The following RBP4 variants were observed in gnomAD, a reference collection of about 807,000 sequenced individuals.
RBP4 encodes retinol binding protein 4, also known as retinol-binding protein 4.
In RBP4, 9 loss-of-function variants were observed where a neutral mutation model predicts 26.2. That is an observed-to-expected ratio of 0.34 (90% confidence interval 0.21 to 0.60). The LOEUF is 0.60. Among genes scored for constraint, RBP4 ranks in the 20% least tolerant of loss-of-function variants. RBP4 has a pLI of 0.80. For synonymous variants in RBP4, 114 were observed against 111.0 expected (o/e 1.03, Z -0.17); for missense variants, 244 against 271.3 (o/e 0.90, Z 0.71).
At position 93,593,807 on chromosome 10, in the gene RBP4, C is replaced by T. The variant is rs1430539417; in HGVS notation, c.568+16G>A. 1 of 1,610,366 alleles carries T rather than the reference C, an allele frequency of 6.2e-7. No homozygotes were observed. Among genetic ancestry groups the T allele is most frequent in the Non-Finnish European group, 8.5e-7 (1 of 1,179,366 alleles). ...CCCTGCAGGAAGAGCCAGAAGGCACCCTGCTCCTGACTCACCGTTGTGGAC... is the reference window on the plus strand; with the variant it reads ...CCCTGCAGGAAGAGCCAGAAGGCACTCTGCTCCTGACTCACCGTTGTGGAC... On this transcript the variant is annotated intron_variant, in intron 5 of 5. Transcript: ENST00000371464.
chr10:93,596,924 C>T (rs12768100), intron 4 of RBP4, among the ~76,000 whole-genome samples: 45,401 of 152,108 alleles, frequency 0.3, 7,550 homozygotes, highest in African/African-American at 0.44. Flanking sequence ...GCAACAGATT[C>T]AATGCTATTT....
intron 4 of RBP4, among the ~76,000 whole-genome samples, chr10:93,594,370 G>A (rs753076602): frequency 7.9e-5 from 12 of 151,866 alleles, no homozygotes; most frequent in East Asian, 1.9e-4. Flanking sequence ...AGAATAAACC[G>A]TTCTACTGTC....
In RBP4 at chr10:93,600,710, C is replaced by T. The variant is rs761838369; in HGVS notation, c.205G>A (p.Gly69Ser). 3.1e-6 allele frequency: 5 copies of T among 1,610,386 alleles called. No individual in the cohort carries two copies. The highest frequency in any genetic ancestry group is 2.2e-5 in the East Asian group (1 of 44,736). ...CCCTTGGCTGTGGCGCTCATCTGGC[C>T]GGTCTCGTCCACGGAGAACTCCGCG... ...IVAEFSVDET[G>S]QMSATAKGRV... The change falls in exon 3 of 6, where the codon GGC becomes AGC. Residue 69 changes from glycine to serine, a missense_variant. Transcript: ENST00000371464.
At chr10:93,597,906 C>T (rs1033860308) in intron 4 of RBP4, among the ~76,000 whole-genome samples, 1 of 152,110 alleles carries the variant, frequency 6.6e-6, no homozygotes, top group East Asian at 1.9e-4. Context: ...AAGAAACTGG[C>T]ACGAGGAATG....
intron 4 of RBP4, among the ~76,000 whole-genome samples, chr10:93,595,161 A>G (rs543805772): frequency 6.6e-6 from 1 of 152,154 alleles, no homozygotes; most frequent in Admixed American, 6.5e-5. Flanking sequence ...AGAAAGAAAA[A>G]AAGAATGTAT....
rs2058331634 is a variant in RBP4 at position 93,600,743 on chromosome 10, T to C, written c.172A>G (p.Asn58Asp). ...KDPEGLFLQDNIVAEFSVDET... is the reference protein window; with the variant it reads ...KDPEGLFLQDDIVAEFSVDET... ...TCCACGGAGAACTCCGCGACGATGT[T>C]GTCCTGCAGAAAGAGGCCCTCGGGG... The change falls in exon 3 of 6, where the codon AAC (asparagine) becomes GAC (aspartate). Residue 58 changes from asparagine to aspartate, a missense_variant. Transcript: ENST00000371464. 7 of 1,611,660 alleles carry C rather than the reference T, an allele frequency of 4.3e-6. No homozygotes were observed. The African/African-American group carries it at 6.7e-5, about 15-fold the overall frequency.
chr10:93,600,565 C>T (rs916621656), intron 3 of RBP4, 66 bp from the exon 4 acceptor site: 26 of 1,612,304 alleles, frequency 1.6e-5, no homozygotes, highest in Middle Eastern at 1.6e-4. Context: ...TCCACCCATT[C>T]GGTGCTCCCT....
In RBP4 at chr10:93,601,031, T is replaced by G; in HGVS notation, c.-3A>C. On this transcript the variant is annotated 5_prime_UTR_variant, in exon 2 of 6. Transcript: ENST00000371464. ...AAGAGCGCCCACACCCACTTCATCT[T>G]GCCCAGGAATCCGCCCTGCGGGAGA... 10 of 1,609,984 alleles carry G rather than the reference T, an allele frequency of 6.2e-6. No homozygotes were observed. The highest frequency in any genetic ancestry group is 8.5e-6 in the Non-Finnish European group (10 of 1,179,608).
At position 93,600,741 on chromosome 10, in the gene RBP4, G is replaced by A; in HGVS notation, c.174C>T (p.Asn58=). ...CGTCCACGGAGAACTCCGCGACGAT[G>A]TTGTCCTGCAGAAAGAGGCCCTCGG... The part of the protein sequence containing the change: ...KDPEGLFLQD[N]IVAEFSVDET... Residue 58 remains asparagine, a synonymous_variant, in exon 3 of 6, where the codon AAC becomes AAT. Coordinates refer to ENST00000371464, the MANE Select transcript of RBP4 (RefSeq NM_006744.4). 6.2e-7 allele frequency: 1 copy of A among 1,611,558 alleles called. No homozygotes were observed. Among genetic ancestry groups the A allele is most frequent in the East Asian group, 2.2e-5 (1 of 44,774 alleles).
At chr10:93,592,285 T>C (rs966892154) in intron 5 of RBP4, among the ~76,000 whole-genome samples, 173 bp from the exon 6 acceptor site, 6 of 152,228 alleles carry the variant, frequency 3.9e-5, no homozygotes, top group African/African-American at 1.4e-4. Flanking sequence ...CATAAACACC[T>C]TCAAGGCTGT....
Position 93,593,899 on chromosome 10 carries a change from T to G in RBP4, c.492A>C (p.Pro164=). ...GCTGCCTTACAATCTTCTGCGCTTCTGGGGGCAGGCCGTTGGGGTCCCGGG... is the reference window on the plus strand; with the variant it reads ...GCTGCCTTACAATCTTCTGCGCTTCGGGGGGCAGGCCGTTGGGGTCCCGGG... ...VFSRDPNGLP[P]EAQKIVRQRQ... The change falls in exon 5 of 6, where the codon CCA becomes CCC. Residue 164 remains proline (P), a synonymous_variant. Coordinates refer to ENST00000371464, the MANE Select transcript of RBP4 (RefSeq NM_006744.4). 6.2e-7 allele frequency: 1 copy of G among 1,613,848 alleles called. No individual in the cohort carries two copies. The highest frequency in any genetic ancestry group is 8.5e-7 in the Non-Finnish European group (1 of 1,180,014).
intron 2 of RBP4, 33 bp downstream of exon 2, chr10:93,600,885 T>C (rs2058333163): frequency 3.1e-6 from 5 of 1,609,722 alleles, no homozygotes; most frequent in Non-Finnish European, 4.2e-6. Context: ...GGTGGGGACC[T>C]GGGCCGCCTG....
At position 93,591,801 on chromosome 10, in the gene RBP4, T is replaced by A. The variant is rs2134565069; in HGVS notation, c.*274A>T. On this transcript the variant is annotated 3_prime_UTR_variant, in exon 6 of 6. Transcript: ENST00000371464. ...AAGAAGCGCACCCCACCCATCCGTCTGCAGCACAGACATAAACACAAATGA... is the reference window on the plus strand; with the variant it reads ...AAGAAGCGCACCCCACCCATCCGTCAGCAGCACAGACATAAACACAAATGA... 2.1e-6 allele frequency: 1 copy of A among 467,238 alleles called. No individual in the cohort carries two copies. Among genetic ancestry groups the A allele is most frequent in the East Asian group, 3.9e-5 (1 of 25,850 alleles). 28.9% of individuals were successfully genotyped at this position (467,238 alleles called of 1,614,324 possible). A position where few individuals can be genotyped will look rare whatever the true frequency, so the allele number is the denominator to read the frequency against.
chr10:93,601,591 C>T, upstream of RBP4: 1 of 715,844 alleles, frequency 1.4e-6, no homozygotes, highest in Non-Finnish European at 2.6e-6. Flanking sequence ...AGACCGTGGC[C>T]TCACAGAGCG....
At chr10:93,600,639 G>T in intron 3 of RBP4, 28 bp downstream of exon 3, 1 of 1,611,914 alleles carries the variant, frequency 6.2e-7, no homozygotes, top group Non-Finnish European at 8.5e-7. Flanking sequence ...GGAGCGCAAA[G>T]GGCGCAGCTG....
intron 4 of RBP4, among the ~76,000 whole-genome samples, chr10:93,597,213 C>G (rs1433708213): frequency 2.6e-5 from 4 of 152,134 alleles, no homozygotes; most frequent in African/African-American, 7.2e-5. Flanking sequence ...GAGCAGGAAC[C>G]CTGACTTTGA....
At position 93,601,011 on chromosome 10, in the gene RBP4, C is replaced by A. The variant is rs1307495114; in HGVS notation, c.18G>T (p.Ala6=). 5 of 1,611,518 alleles carry A rather than the reference C, an allele frequency of 3.1e-6. No individual in the cohort carries two copies. Among genetic ancestry groups the A allele is most frequent in the East Asian group, 2.2e-5 (1 of 44,844 alleles). MKWVW[A]LLLLAALGSG... ...TGCCCAGCGCCGCCAACAGCAAGAG[C>A]GCCCACACCCACTTCATCTTGCCCA... The change falls in exon 2 of 6, where the codon GCG becomes GCT. Residue 6 remains alanine, a synonymous_variant. Coordinates refer to ENST00000371464, the MANE Select transcript of RBP4 (RefSeq NM_006744.4).
At chr10:93,596,780 T>C (rs1421796287) in intron 4 of RBP4, among the ~76,000 whole-genome samples, 1 of 152,212 alleles carries the variant, frequency 6.6e-6, no homozygotes, top group Non-Finnish European at 1.5e-5. Context: ...GTCTGTTCTG[T>C]TGCTCACTGC....
intron 4 of RBP4, among the ~76,000 whole-genome samples, chr10:93,600,029 A>T (rs1156372098): frequency 6.6e-6 from 1 of 152,172 alleles, no homozygotes; most frequent in African/African-American, 2.4e-5. Context: ...TGTCTCAGGG[A>T]TTCAGCCCAA....
Sources: gnomAD v4.1 joint callset for allele counts (sites outside exome capture counted in the v4.1 genomes callset) on GRCh38, gnomAD v4.1.1 for gene constraint, MANE v1.5 for transcripts, NCBI Gene and HGNC (gene_info 2026-07-23, HGNC 2026-07-21) for gene names.